The following TESPA1 variants were observed in gnomAD, a reference collection of about 807,000 sequenced individuals.
The protein encoded by TESPA1 is protein TESPA1.
In TESPA1, 33 loss-of-function variants were observed where a neutral mutation model predicts 57.9. The observed-to-expected ratio is 0.57, with a 90% CI of 0.43 to 0.76. TESPA1 has a LOEUF of 0.76. Among genes scored for constraint, TESPA1 ranks in the 30% least tolerant of loss-of-function variants. TESPA1 has a pLI of 0.00. For missense variants in TESPA1, 618 were observed against 632.9 expected, an observed-to-expected ratio of 0.98 and a Z score of 0.25; for synonymous variants, 227 against 228.9, an observed-to-expected ratio of 0.99 and a Z score of 0.07.
chr12:54,956,677 G>C (rs1002774325), intron 10 of TESPA1, among the ~76,000 whole-genome samples: 2 of 152,294 alleles, frequency 1.3e-5, no homozygotes, highest in Admixed American at 1.3e-4. Context: ...AAAGGTGCCT[G>C]TTTGACTTCA....
At chr12:54,964,691 G>A (rs1320011985) in intron 7 of TESPA1, among the ~76,000 whole-genome samples, 1 of 152,216 alleles carries the variant, frequency 6.6e-6, no homozygotes, top group African/African-American at 2.4e-5. Context: ...AGTATGCTGG[G>A]CTTTTTGATC....
chr12:54,978,424 A>T (rs1451024753), intron 1 of TESPA1, among the ~76,000 whole-genome samples: 1 of 152,234 alleles, frequency 6.6e-6, no homozygotes, highest in Admixed American at 6.5e-5. Context: ...TTATTAATTT[A>T]TTTAGGTGAG....
At chr12:54,974,166 G>T (rs553310554) in intron 2 of TESPA1, among the ~76,000 whole-genome samples, 1 of 152,290 alleles carries the variant, frequency 6.6e-6, no homozygotes, top group South Asian at 2.1e-4. Flanking sequence ...AGCTTCTCAG[G>T]ATGATGCAAA....
chr12:54,958,187 A>G (rs1950849595), intron 10 of TESPA1, among the ~76,000 whole-genome samples: 1 of 152,240 alleles, frequency 6.6e-6, no homozygotes, highest in African/African-American at 2.4e-5. Flanking sequence ...GTATAACCAT[A>G]TAAATCCTGC....
intron 8 of TESPA1, among the ~76,000 whole-genome samples, chr12:54,963,533 T>G (rs2136108581): frequency 6.6e-6 from 1 of 152,338 alleles, no homozygotes; most frequent in Middle Eastern, 3.4e-3. Context: ...GAAGCAGTAG[T>G]GGCCTGAAGT....
intron 4 of TESPA1, 84 bp downstream of exon 4, chr12:54,967,759 G>A (rs1254370436): frequency 6.7e-7 from 1 of 1,498,832 alleles, no homozygotes; most frequent in South Asian, 1.2e-5. Context: ...GCATGTATAT[G>A]TGCATAAACA....
rs1174154200 is a variant in TESPA1, at chr12:54,962,545, C to T, written c.1353G>A (p.Lys451=). Residue 451 remains lysine (K), a synonymous_variant, in exon 9 of 11, where the codon AAG becomes AAA. Transcript: ENST00000449076. ...TGATGGACAGGTCCAAGGACTTAAC[C>T]TTCCTGCCCATGAGATTCTTCTGGA... ...SLFQKNLMGR[K]VKSLDLSITQ... is the part of the protein sequence containing the mutation. 2.5e-6 allele frequency: 4 copies of T among 1,613,908 alleles called. No homozygotes were observed. Among genetic ancestry groups the T allele is most frequent in the Non-Finnish European group, 3.4e-6 (4 of 1,179,884 alleles).
Position 54,955,916 on chromosome 12 carries a change from T to G in TESPA1, c.*1+5252A>C, listed in dbSNP as rs1950703039. 2.6e-5 allele frequency among the ~76,000 whole-genome samples: 4 copies of G among 151,964 alleles called. No individual in the cohort carries two copies. In the South Asian group the frequency reaches 8.4e-4, roughly 32 times the overall value. On this transcript the variant is annotated intron_variant, in intron 10 of 10. Transcript: ENST00000449076. ...CCCCTTGTCTAATCTCTTCTTACACTTCACATCTGACTGTCCCTCTTCAGA... is the reference window on the plus strand; with the variant it reads ...CCCCTTGTCTAATCTCTTCTTACACGTCACATCTGACTGTCCCTCTTCAGA...
intron 1 of TESPA1, among the ~76,000 whole-genome samples, chr12:54,982,637 T>C (rs1339879050): frequency 6.6e-6 from 1 of 152,216 alleles, no homozygotes; most frequent in Non-Finnish European, 1.5e-5. Flanking sequence ...TTCATTTGAA[T>C]GGGCAATAAA....
At chr12:54,976,335 A>G (rs1952134238) in intron 1 of TESPA1, among the ~76,000 whole-genome samples, 1 of 152,200 alleles carries the variant, frequency 6.6e-6, no homozygotes, top group African/African-American at 2.4e-5. Context: ...CAAAATATTT[A>G]AGAGATTGGT....
chr12:54,967,124 A>T (rs1951490454), intron 5 of TESPA1, 59 bp downstream of exon 5: 1 of 1,593,464 alleles, frequency 6.3e-7, no homozygotes, highest in Non-Finnish European at 8.6e-7. Context: ...TCCTATCCTG[A>T]ATTCATACAA....
intron 1 of TESPA1, among the ~76,000 whole-genome samples, chr12:54,984,326 C>T (rs1952421302): frequency 6.6e-6 from 1 of 152,000 alleles, no homozygotes; most frequent in East Asian, 1.9e-4. Context: ...ATCAAAGAGA[C>T]CCAAGTTTTG....
chr12:54,965,975 A>G, intron 7 of TESPA1, 78 bp downstream of exon 7: 2 of 1,353,628 alleles, frequency 1.5e-6, no homozygotes, highest in Non-Finnish European at 1.0e-6. Context: ...CAGAAAAAAC[A>G]GGCAATGGCT....
At chr12:54,950,956 TTC>T (rs141573531) in intron 10 of TESPA1, among the ~76,000 whole-genome samples, 30,937 of 151,792 alleles carry the variant, frequency 0.2, 5,352 homozygotes, top group East Asian at 0.84. Flanking sequence ...CCATTTTTTT[TTC>T]CCTTTAATCT....
Position 54,962,440 on chromosome 12 carries a change from G to A in TESPA1, c.1458C>T (p.Asp486=). 2 of 1,610,666 alleles carry A rather than the reference G, an allele frequency of 1.2e-6. No individual in the cohort carries two copies. The highest frequency in any genetic ancestry group is 1.1e-5 in the South Asian group (1 of 90,990). The change falls in exon 9 of 11, where the codon GAC becomes GAT. Residue 486 remains aspartate, a synonymous_variant. Transcript: ENST00000449076. ...SLSQQPQDTF[D]LEEVQSNSEE... ...CCTCCAACCCACTTACCTCCTCCAA[G>A]TCAAAAGTGTCCTGTGGCTGCTGGC...
chr12:54,973,079 T>C (rs1422996831), intron 3 of TESPA1, among the ~76,000 whole-genome samples: 1 of 152,158 alleles, frequency 6.6e-6, no homozygotes, highest in East Asian at 1.9e-4. Context: ...TAGAAATAAA[T>C]AACACAGATG....
At chr12:54,952,102 G>A (rs1174963750) in intron 10 of TESPA1, among the ~76,000 whole-genome samples, 1 of 152,078 alleles carries the variant, frequency 6.6e-6, no homozygotes, top group Non-Finnish European at 1.5e-5. Context: ...AACTCATCAG[G>A]GTGAGGCCCC....
chr12:54,954,887 A>G (rs1950636665), intron 10 of TESPA1, among the ~76,000 whole-genome samples: 1 of 152,246 alleles, frequency 6.6e-6, no homozygotes. Flanking sequence ...ATAGTGCTGC[A>G]GTGAAAATAG....
chr12:54,952,788 A>G (rs1950479121), intron 10 of TESPA1, among the ~76,000 whole-genome samples: 1 of 152,114 alleles, frequency 6.6e-6, no homozygotes, highest in Non-Finnish European at 1.5e-5. Flanking sequence ...TCATTATTTT[A>G]CCTTTTTGAA....
Sources: gnomAD v4.1 joint callset for allele counts (sites outside exome capture counted in the v4.1 genomes callset) on GRCh38, gnomAD v4.1.1 for gene constraint, MANE v1.5 for transcripts, NCBI Gene and HGNC (gene_info 2026-07-23, HGNC 2026-07-21) for gene names.